ZDHHC18: variants seen among roughly 807,000 people sequenced by gnomAD.
The protein encoded by ZDHHC18 is palmitoyltransferase ZDHHC18.
A neutral mutation model predicts 37.5 loss-of-function variants in ZDHHC18; 23 were observed. The ratio of observed to expected loss-of-function variants is 0.61; its 90% CI spans 0.44 to 0.87. The LOEUF (loss-of-function observed/expected upper bound fraction) is 0.87. ZDHHC18 is among the 40% of genes least tolerant of loss of function. The probability of loss-of-function intolerance (pLI) is 0.00; values close to 1 mark genes in which losing one functional copy is unlikely to be tolerated. For synonymous variants in ZDHHC18, 185 were observed against 218.7 expected (o/e 0.85, Z 1.36); for missense variants, 406 against 525.6 (o/e 0.77, Z 2.22).
At chr1:26,833,788 C>T (rs1242936442) in intron 2 of ZDHHC18, among the ~76,000 whole-genome samples, 8 of 152,136 alleles carry the variant, frequency 5.3e-5, no homozygotes, top group Admixed American at 6.5e-5. Flanking sequence ...TTTAAACACC[C>T]AGCTGGCCCT....
At chr1:26,830,255 G>T (rs936842905) in intron 1 of ZDHHC18, among the ~76,000 whole-genome samples, 2 of 152,192 alleles carry the variant, frequency 1.3e-5, no homozygotes, top group African/African-American at 4.8e-5. Flanking sequence ...CTGGCTATGG[G>T]GTGATGGTTA....
At chr1:26,845,392 G>A (rs2081658920) in intron 2 of ZDHHC18, among the ~76,000 whole-genome samples, 2 of 127,324 alleles carry the variant, frequency 1.6e-5, no homozygotes, top group South Asian at 4.9e-4. Context: ...GAGTGCAGTG[G>A]CATGATTTCA....
At chr1:26,836,802 T>C (rs995534414) in intron 2 of ZDHHC18, among the ~76,000 whole-genome samples, 2 of 149,740 alleles carry the variant, frequency 1.3e-5, no homozygotes, top group Non-Finnish European at 3.0e-5. Context: ...TCTCCTGACC[T>C]TGTGATCCGC....
At chr1:26,840,275 A>G (rs1350262947) in intron 2 of ZDHHC18, among the ~76,000 whole-genome samples, 2 of 152,190 alleles carry the variant, frequency 1.3e-5, no homozygotes, top group East Asian at 3.8e-4. Flanking sequence ...AGTTTTCTTC[A>G]TAACTCCATT....
Position 26,854,130 on chromosome 1 carries a change from G to T in ZDHHC18, c.*287G>T. ...GGGACCACACCAAGTCCTTGCCTGTGCCGGGCGAGCCCTGTGTGAGTGAGG... is the reference window on the plus strand; with the variant it reads ...GGGACCACACCAAGTCCTTGCCTGTTCCGGGCGAGCCCTGTGTGAGTGAGG... On this transcript the variant is annotated 3_prime_UTR_variant, in exon 8 of 8. Coordinates refer to ENST00000374142, the MANE Select transcript of ZDHHC18 (RefSeq NM_032283.3). This position sits in a 1 kb window ranked among gnomAD's most constrained non-coding sequence, Gnocchi z 4.6. 1 of 382,458 alleles carries T rather than the reference G, an allele frequency of 2.6e-6. No homozygotes were observed. The allele number at this position is 382,458 out of a possible 1,614,324, so 23.7% of individuals were successfully genotyped here.
chr1:26,835,653 G>C (rs2081608084), intron 2 of ZDHHC18, among the ~76,000 whole-genome samples: 1 of 152,068 alleles, frequency 6.6e-6, no homozygotes, highest in Non-Finnish European at 1.5e-5. Context: ...GTGAGCCAAG[G>C]TTGCGCCATT....
chr1:26,833,738 G>A (rs1412304872), intron 2 of ZDHHC18, among the ~76,000 whole-genome samples: 2 of 152,074 alleles, frequency 1.3e-5, no homozygotes, highest in African/African-American at 2.4e-5. Context: ...CCGGTCCGTG[G>A]TTAGCTCCTT....
intron 2 of ZDHHC18, among the ~76,000 whole-genome samples, chr1:26,844,994 C>T (rs181743700): frequency 4.0e-4 from 61 of 151,088 alleles, no homozygotes; most frequent in African/African-American, 1.4e-3. Flanking sequence ...AATCTCGGCT[C>T]ACTGCAATCT....
At chr1:26,849,685 G>A (rs149703969) in intron 3 of ZDHHC18, among the ~76,000 whole-genome samples, 1 of 152,382 alleles carries the variant, frequency 6.6e-6, no homozygotes, top group African/African-American at 2.4e-5. Context: ...TCAGCCCTTT[G>A]ACCTGGCCTG....
intron 2 of ZDHHC18, 30 bp downstream of exon 2, chr1:26,832,637 G>C: frequency 6.2e-7 from 1 of 1,610,852 alleles, no homozygotes; most frequent in East Asian, 2.2e-5. Flanking sequence ...CTGAAGCTGG[G>C]TCTCCATAGC....
At position 26,851,122 on chromosome 1, in the gene ZDHHC18, C is replaced by A; in HGVS notation, c.834-7C>A. ...CTCCACCCATTGAAGTCCTTAACTG[C>A]CCTCACCGTGCTGGAGTTGGTGATC... On this transcript the variant is annotated splice_region_variant and splice_polypyrimidine_tract_variant and intron_variant, in intron 5 of 7. Coordinates refer to ENST00000374142, the MANE Select transcript of ZDHHC18 (RefSeq NM_032283.3). 6.2e-7 allele frequency: 1 copy of A among 1,613,814 alleles called. No homozygotes were observed. The highest frequency in any genetic ancestry group is 1.1e-5 in the South Asian group (1 of 91,084).
In ZDHHC18 at chr1:26,832,337, C is replaced by G. The variant is rs1026561634; in HGVS notation, c.336-110C>G. ...CTCTGCCTCAGAGCGAGGCTGTATT[C>G]AAGATTTTGGTGGTGGTTGTTGGAA... On this transcript the variant is annotated intron_variant, in intron 1 of 7. Transcript: ENST00000374142. 11 of 1,406,184 alleles carry G rather than the reference C, an allele frequency of 7.8e-6. No individual in the cohort carries two copies. The African/African-American group carries it at 1.4e-4, about 18-fold the overall frequency. The allele number at this position is 1,406,184 out of a possible 1,614,324, so 87.1% of individuals were successfully genotyped here. A position where few individuals can be genotyped will look rare whatever the true frequency, so the allele number is the denominator to read the frequency against.
intron 1 of ZDHHC18, among the ~76,000 whole-genome samples, chr1:26,829,714 T>C (rs1296483461): frequency 1.3e-5 from 2 of 152,234 alleles, no homozygotes; most frequent in Non-Finnish European, 2.9e-5. Flanking sequence ...TGCTCAATAC[T>C]TATTGAATGA....
chr1:26,846,272 A>G (rs11579947), intron 2 of ZDHHC18, among the ~76,000 whole-genome samples: 38 of 84,954 alleles, frequency 4.5e-4, no homozygotes, highest in African/African-American at 8.8e-4. Flanking sequence ...ATAGAGATAT[A>G]TGTGTGTGTG....
intron 2 of ZDHHC18, among the ~76,000 whole-genome samples, chr1:26,840,849 CT>C (rs1426161229): frequency 6.6e-6 from 1 of 152,024 alleles, no homozygotes; most frequent in Non-Finnish European, 1.5e-5. Context: ...AACTCCTAAA[CT>C]TTCCCTTCAA....
In ZDHHC18 at chr1:26,848,712, C is replaced by T. The variant is rs375631096; in HGVS notation, c.601C>T (p.Arg201Trp). The T allele has an allele frequency of 9.3e-6, 15 of 1,613,994 alleles. No individual in the cohort carries two copies. The highest frequency in any genetic ancestry group is 3.3e-5 in the Admixed American group (2 of 60,010). The change falls in exon 3 of 8, where the codon CGG (arginine) becomes TGG (tryptophan). Residue 201 changes from arginine to tryptophan, a missense_variant. Coordinates refer to ENST00000374142, the MANE Select transcript of ZDHHC18 (RefSeq NM_032283.3). The part of the protein sequence containing the change: ...LKYCFTCKMF[R>W]PPRTSHCSVC... The stretch of plus-strand genomic sequence containing the variant: ...GTACTGCTTCACCTGCAAGATGTTC[C>T]GGCCACCCCGAACCTCACACTGCAG...
At chr1:26,829,958 T>A (rs1385766959) in intron 1 of ZDHHC18, among the ~76,000 whole-genome samples, 1 of 152,198 alleles carries the variant, frequency 6.6e-6, no homozygotes. Context: ...TGAACTGGAT[T>A]CATTGCCATG....
intron 2 of ZDHHC18, among the ~76,000 whole-genome samples, chr1:26,834,911 C>T (rs1212651860): frequency 6.6e-6 from 1 of 152,200 alleles, no homozygotes; most frequent in Non-Finnish European, 1.5e-5. Context: ...TCATGGGTTC[C>T]AGACAAGTTG....
Position 26,853,763 on chromosome 1 carries a change from G to T in ZDHHC18, c.1087G>T (p.Val363Leu). 6.2e-7 allele frequency: 1 copy of T among 1,614,072 alleles called. No individual in the cohort carries two copies. The highest frequency in any genetic ancestry group is 8.5e-7 in the Non-Finnish European group (1 of 1,180,030). Reference protein sequence around the residue: ...DRRGFVQSDTVLPSPIRSDEP... With the variant: ...DRRGFVQSDTLLPSPIRSDEP... ...GAGGGGATTTGTGCAGTCCGACACCGTGTTGCCCTCACCCATCAGAAGCGA... is the reference window on the plus strand; with the variant it reads ...GAGGGGATTTGTGCAGTCCGACACCTTGTTGCCCTCACCCATCAGAAGCGA... Residue 363 changes from valine (V) to leucine (L), a missense_variant, in exon 8 of 8, where the codon GTG becomes TTG. Physicochemically the swap from Val to Leu is conservative, Grantham distance 32 (BLOSUM62 1). Coordinates refer to ENST00000374142, the MANE Select transcript of ZDHHC18 (RefSeq NM_032283.3).
Sources: gnomAD v4.1 joint callset for allele counts (sites outside exome capture counted in the v4.1 genomes callset) on GRCh38, gnomAD v4.1.1 for gene constraint, Gnocchi (gnomAD v3.1) non-coding constraint, MANE v1.5 for transcripts, NCBI Gene and HGNC (gene_info 2026-07-23, HGNC 2026-07-21) for gene names.